DPYD: variants seen among roughly 807,000 people sequenced by gnomAD.
The protein encoded by DPYD is dihydropyrimidine dehydrogenase.
DPYD carries 109 observed loss-of-function variants against 116.2 expected under a neutral mutation model. The observed-to-expected ratio is 0.94, with a 90% CI of 0.80 to 1.10. DPYD has a LOEUF of 1.10. Ranked by LOEUF, DPYD falls within the 50% of genes least tolerant of loss-of-function variation. DPYD has a pLI of 0.00. For synonymous variants in DPYD, 440 were observed against 432.0 expected (o/e 1.02, Z -0.23); for missense variants, 1,302 against 1,254.5 (o/e 1.04, Z -0.57).
intron 3 of DPYD, among the ~76,000 whole-genome samples, chr1:97,795,656 T>C (rs1571370842): frequency 6.6e-6 from 1 of 151,948 alleles, no homozygotes; most frequent in Non-Finnish European, 1.5e-5. Flanking sequence ...CTCACCATTG[T>C]AGCTTTTTAA....
At chr1:97,261,638 C>T (rs1570783028) in intron 18 of DPYD, among the ~76,000 whole-genome samples, 1 of 151,390 alleles carries the variant, frequency 6.6e-6, no homozygotes. Flanking sequence ...AAAATTACTT[C>T]TGAAGGTAGC....
intron 18 of DPYD, among the ~76,000 whole-genome samples, chr1:97,266,890 C>T (rs577442058): frequency 1.4e-4 from 21 of 152,114 alleles, no homozygotes; most frequent in African/African-American, 3.1e-4. Context: ...TAGTATTCCA[C>T]GGTGTATATG....
At chr1:97,760,681 C>A (rs1467586455) in intron 3 of DPYD, among the ~76,000 whole-genome samples, 1 of 151,956 alleles carries the variant, frequency 6.6e-6, no homozygotes, top group African/African-American at 2.4e-5. Flanking sequence ...GTACAGAGGG[C>A]ACCTAAAGAA....
intron 19 of DPYD, among the ~76,000 whole-genome samples, chr1:97,227,713 C>T (rs950481396): frequency 6.7e-6 from 1 of 150,098 alleles, no homozygotes; most frequent in African/African-American, 2.5e-5. Flanking sequence ...AAATAAATTT[C>T]AGTGCATTTA....
At chr1:97,206,664 ATATATATATATATATATATATAT>A (rs1557938169) in intron 19 of DPYD, among the ~76,000 whole-genome samples, 5 of 118,454 alleles carry the variant, frequency 4.2e-5, no homozygotes, top group African/African-American at 5.9e-5. Flanking sequence ...ATATATATAT[ATATATATATATATATATATATAT>A]AATCTATATG....
At chr1:97,617,777 G>C (rs1328024366) in intron 8 of DPYD, among the ~76,000 whole-genome samples, 11 of 152,140 alleles carry the variant, frequency 7.2e-5, no homozygotes, top group Admixed American at 7.2e-4. Context: ...GAGAAATGCA[G>C]AAACTCAGAC....
intron 8 of DPYD, among the ~76,000 whole-genome samples, chr1:97,638,449 C>T (rs1456836219): frequency 1.3e-5 from 2 of 152,068 alleles, no homozygotes; most frequent in African/African-American, 4.8e-5. Context: ...CATCAACAAG[C>T]TTACCAACTC....
intron 5 of DPYD, among the ~76,000 whole-genome samples, chr1:97,718,026 T>A (rs1662709847): frequency 6.6e-6 from 1 of 152,048 alleles, no homozygotes. Context: ...CAACTTTTAG[T>A]GCTTTAAGAA....
intron 13 of DPYD, among the ~76,000 whole-genome samples, chr1:97,485,005 T>C (rs927797043): frequency 2.6e-5 from 4 of 152,212 alleles, no homozygotes; most frequent in African/African-American, 9.6e-5. Flanking sequence ...AGGGCTTTTC[T>C]TTGTCTCCGA....
chr1:97,787,704 G>C (rs1348459303), intron 3 of DPYD, among the ~76,000 whole-genome samples: 1 of 152,062 alleles, frequency 6.6e-6, no homozygotes, highest in Non-Finnish European at 1.5e-5. Context: ...GTCGAACAAG[G>C]CTATAACAAT....
At chr1:97,499,994 T>C (rs902093370) in intron 13 of DPYD, among the ~76,000 whole-genome samples, 2 of 151,964 alleles carry the variant, frequency 1.3e-5, no homozygotes, top group African/African-American at 4.8e-5. Flanking sequence ...AATGTGTATG[T>C]ACCTAACATC....
intron 14 of DPYD, among the ~76,000 whole-genome samples, chr1:97,391,758 A>C (rs1672717276): frequency 6.6e-6 from 1 of 152,050 alleles, no homozygotes; most frequent in African/African-American, 2.4e-5. Flanking sequence ...AAACCTCCTC[A>C]TATCACACTT....
At chr1:97,169,256 T>C (rs1656544865) in intron 20 of DPYD, among the ~76,000 whole-genome samples, 1 of 152,162 alleles carries the variant, frequency 6.6e-6, no homozygotes, top group African/African-American at 2.4e-5. Context: ...CAGTTTTACA[T>C]TTACTTCTCT....
chr1:97,164,868 C>CT (rs58517548), intron 20 of DPYD, among the ~76,000 whole-genome samples: 16,330 of 143,944 alleles, frequency 0.11, 1,188 homozygotes, highest in East Asian at 0.39. Context: ...CGTACAGATT[C>CT]TTTTTTTTTT....
chr1:97,386,551 A>T (rs895139869), intron 14 of DPYD, among the ~76,000 whole-genome samples: 6 of 152,158 alleles, frequency 3.9e-5, no homozygotes, highest in Non-Finnish European at 8.8e-5. Flanking sequence ...CTATTTTTAC[A>T]TTCTTGTTTC....
chr1:97,811,547 CCT>C (rs1422517676), intron 3 of DPYD, among the ~76,000 whole-genome samples: 5 of 152,058 alleles, frequency 3.3e-5, no homozygotes, highest in Non-Finnish European at 7.4e-5. Flanking sequence ...TGTAATAACC[CCT>C]CTTTCTTAAA....
chr1:97,818,104 T>G (rs1377250903), intron 3 of DPYD, among the ~76,000 whole-genome samples: 1 of 152,038 alleles, frequency 6.6e-6, no homozygotes, highest in Non-Finnish European at 1.5e-5. Context: ...AGCTTCTTAC[T>G]CATGTTGCTG....
chr1:97,605,283 T>C (rs191646236), intron 8 of DPYD, among the ~76,000 whole-genome samples: 1 of 152,104 alleles, frequency 6.6e-6, no homozygotes, highest in African/African-American at 2.4e-5. Flanking sequence ...AATCTCATCT[T>C]GAATTGTAAT....
At chr1:97,132,850 C>G (rs1233094470) in intron 20 of DPYD, among the ~76,000 whole-genome samples, 3 of 151,994 alleles carry the variant, frequency 2.0e-5, no homozygotes, top group Non-Finnish European at 4.4e-5. Flanking sequence ...GGATTATTTA[C>G]TTAGAGTTAA....
Sources: gnomAD v4.1 joint callset for allele counts (sites outside exome capture counted in the v4.1 genomes callset) on GRCh38, gnomAD v4.1.1 for gene constraint, MANE v1.5 for transcripts, NCBI Gene and HGNC (gene_info 2026-07-23, HGNC 2026-07-21) for gene names.